Variants in LINGO1 observed in about 807,000 individuals in gnomAD.
LINGO1 encodes the protein leucine rich repeat and Ig domain containing 1, also known as leucine-rich repeat and immunoglobulin-like domain-containing nogo receptor-interacting protein 1.
LINGO1 carries 11 observed loss-of-function variants against 37.3 expected under a neutral mutation model. The observed-to-expected ratio is 0.29, with a 90% CI of 0.19 to 0.49. LINGO1 has a LOEUF of 0.49. Among genes scored for constraint, LINGO1 ranks in the 20% least tolerant of loss-of-function variants. The pLI is 0.99. For synonymous variants in LINGO1, 387 were observed against 403.0 expected (o/e 0.96, Z 0.48); for missense variants, 585 against 878.2 (o/e 0.67, Z 4.22).
intron 1 of LINGO1, among the ~76,000 whole-genome samples, chr15:77,749,067 C>T (rs917278221): frequency 6.6e-6 from 1 of 151,652 alleles, no homozygotes; most frequent in African/African-American, 2.4e-5. Context: ...ACTACCACGC[C>T]CGGCTAATTT....
intron 3 of LINGO1, among the ~76,000 whole-genome samples, chr15:77,666,340 G>A (rs909296936): frequency 1.3e-5 from 2 of 152,206 alleles, no homozygotes; most frequent in Admixed American, 6.5e-5. Context: ...AGTGTGCAGC[G>A]CTCCTGGGGG....
At chr15:77,712,876 C>T (rs747010029) in intron 2 of LINGO1, among the ~76,000 whole-genome samples, 6 of 152,158 alleles carry the variant, frequency 3.9e-5, no homozygotes, top group Non-Finnish European at 8.8e-5. Flanking sequence ...CCCTCATCCT[C>T]AGGAATTCAG....
At chr15:77,695,265 A>C (rs894764981) in intron 1 of LINGO1, among the ~76,000 whole-genome samples, 1 of 152,104 alleles carries the variant, frequency 6.6e-6, no homozygotes, top group African/African-American at 2.4e-5. Flanking sequence ...TCGAAGAGGC[A>C]GCCCGGTGAG....
intron 3 of LINGO1, among the ~76,000 whole-genome samples, chr15:77,653,282 G>A (rs1317779442): frequency 6.6e-6 from 1 of 152,210 alleles, no homozygotes. Context: ...CTTGCCTGCT[G>A]TTCTTTCCCC....
chr15:77,729,598 C>T (rs966028386), intron 2 of LINGO1, among the ~76,000 whole-genome samples: 1 of 152,160 alleles, frequency 6.6e-6, no homozygotes, highest in Admixed American at 6.5e-5. Flanking sequence ...AGTTGGCCAG[C>T]CCTCTGACCC....
At chr15:77,785,433 G>A (rs1005117048) in intron 1 of LINGO1, among the ~76,000 whole-genome samples, 2 of 152,148 alleles carry the variant, frequency 1.3e-5, no homozygotes, top group African/African-American at 4.8e-5. Flanking sequence ...GGGCAGTCCT[G>A]TCCACAGACC....
At chr15:77,659,864 G>A (rs1465994838) in intron 3 of LINGO1, among the ~76,000 whole-genome samples, 1 of 151,782 alleles carries the variant, frequency 6.6e-6, no homozygotes. Context: ...GGGTGGGGTG[G>A]GGCCAGCCTA....
At chr15:77,768,543 G>A (rs2076552711) in intron 1 of LINGO1, among the ~76,000 whole-genome samples, 1 of 152,192 alleles carries the variant, frequency 6.6e-6, no homozygotes, top group South Asian at 2.1e-4. Context: ...CTGTGACAGG[G>A]GAGCCCTGGT....
At chr15:77,674,504 C>T (rs1025415733) in intron 3 of LINGO1, among the ~76,000 whole-genome samples, 15 of 152,068 alleles carry the variant, frequency 9.9e-5, no homozygotes, top group African/African-American at 2.9e-4. Context: ...GGTCCCTGTT[C>T]GGCTGCATGG....
Position 77,614,403 on chromosome 15 carries a change from C to A in LINGO1, c.1504G>T (p.Ala502Ser). 1.2e-6 allele frequency: 2 copies of A among 1,613,062 alleles called. No individual in the cohort carries two copies. Among genetic ancestry groups the A allele is most frequent in the East Asian group, 2.2e-5 (1 of 44,876 alleles). ...GCGGGCATGGAGTCGTTGCCGCCCG[C>A]GTTGGCCGCGATGCACAGGTACGTG... ...NGTYLCIAAN[A>S]GGNDSMPAHL... Residue 502 changes from alanine to serine, a missense_variant, in exon 2 of 2, where the codon GCG (alanine) becomes TCG (serine). Physicochemically the swap from Ala to Ser is moderately conservative, Grantham distance 99 (BLOSUM62 1). Around this residue, in one of 4 missense-constraint regions of LINGO1, gnomAD observed 484 missense variants for 735.0 expected, o/e 0.66. Coordinates refer to ENST00000355300, the MANE Select transcript of LINGO1 (RefSeq NM_032808.7).
At chr15:77,786,601 A>G (rs1183658451) in intron 1 of LINGO1, among the ~76,000 whole-genome samples, 1 of 152,080 alleles carries the variant, frequency 6.6e-6, no homozygotes, top group Non-Finnish European at 1.5e-5. Flanking sequence ...GAGGGAGGGG[A>G]TGGCAGGTAT....
At chr15:77,662,256 C>A (rs957170242) in intron 3 of LINGO1, among the ~76,000 whole-genome samples, 13 of 152,110 alleles carry the variant, frequency 8.5e-5, no homozygotes, top group African/African-American at 3.1e-4. Flanking sequence ...CCTACCCCCA[C>A]CCCACCCTGC....
At position 77,753,589 on chromosome 15, in the gene LINGO1, T is replaced by C. The variant is rs185787646; in HGVS notation, c.-256-18536A>G. ...GAGAGAGAGAGTTTATTTGGATTGC[T>C]GTTTCTGGGCACTGCCAAGGACTGT... On this transcript the variant is annotated intron_variant, in intron 1 of 3. Transcript: ENST00000561686. Among the ~76,000 whole-genome samples, 535 of 152,322 alleles carry C rather than the reference T, an allele frequency of 3.5e-3. 1 individual carries two copies. The highest frequency in any genetic ancestry group is 4.7e-3 in the Non-Finnish European group (318 of 68,018).
chr15:77,705,161 C>G (rs1221547144), intron 2 of LINGO1, among the ~76,000 whole-genome samples: 2 of 61,090 alleles, frequency 3.3e-5, no homozygotes, highest in Non-Finnish European at 8.4e-5. Context: ...AGATACCCCC[C>G]TCCCCCTGCC....
chr15:77,629,725 G>A (rs76251206), intron 1 of LINGO1, among the ~76,000 whole-genome samples: 2 of 152,206 alleles, frequency 1.3e-5, no homozygotes, highest in Non-Finnish European at 2.9e-5. Flanking sequence ...AGGGCAAAAG[G>A]AAGGGTACTA....
At chr15:77,781,805 G>A (rs1422425153) in intron 1 of LINGO1, among the ~76,000 whole-genome samples, 3 of 152,324 alleles carry the variant, frequency 2.0e-5, no homozygotes, top group African/African-American at 7.2e-5. Flanking sequence ...GCCAGTCCTG[G>A]ACATTTCATT....
Position 77,745,195 on chromosome 15 carries a change from G to C in LINGO1, c.-256-10142C>G, listed in dbSNP as rs570933344. On this transcript the variant is annotated intron_variant, in intron 1 of 3. Coordinates refer to the LINGO1 transcript ENST00000561686. ...GTAATCCCAGCACTTTGGAAGGCGA[G>C]GCAGGCGGATCACGAGGTCAGGAGA... Among the ~76,000 whole-genome samples the C allele has an allele frequency of 3.3e-5, 5 of 151,608 alleles. No individual in the cohort carries two copies. The East Asian group carries it at 7.8e-4, about 24-fold the overall frequency.
At chr15:77,744,565 C>T (rs1027027361) in intron 1 of LINGO1, among the ~76,000 whole-genome samples, 5 of 152,160 alleles carry the variant, frequency 3.3e-5, no homozygotes, top group African/African-American at 1.2e-4. Context: ...TAACAAAAGC[C>T]GCTAACTTGT....
upstream of LINGO1, among the ~76,000 whole-genome samples, chr15:77,635,054 G>C (rs2141091579): frequency 6.6e-6 from 1 of 152,282 alleles, no homozygotes; most frequent in Non-Finnish European, 1.5e-5. Flanking sequence ...ATTCCACCCC[G>C]CTAACCCCCA....
Sources: gnomAD v4.1 joint callset for allele counts (sites outside exome capture counted in the v4.1 genomes callset) on GRCh38, gnomAD v4.1.1 for gene constraint, gnomAD v4.1.1 regional missense constraint, MANE v1.5 for transcripts, NCBI Gene and HGNC (gene_info 2026-07-23, HGNC 2026-07-21) for gene names.